AGMO: variants seen among roughly 807,000 people sequenced by gnomAD.
The protein encoded by AGMO is glyceryl-ether monooxygenase.
Under a neutral mutation model 60.2 loss-of-function variants are expected in AGMO, and 75 were observed. The ratio of observed to expected loss-of-function variants is 1.25; its 90% CI spans 1.03 to 1.51. The LOEUF is 1.51. Among genes scored for constraint, AGMO ranks in the 40% most tolerant of loss-of-function variants. The pLI, the probability that AGMO is intolerant of heterozygous loss-of-function variation, is 0.00. For missense variants in AGMO, 763 were observed against 525.5 expected (o/e 1.45, Z -4.42); for synonymous variants, 261 against 177.1 (o/e 1.47, Z -3.76).
the AGMO span, among the ~76,000 whole-genome samples, chr7:15,117,395 G>A: frequency 4.6e-5 from 7 of 151,902 alleles, no homozygotes; most frequent in Non-Finnish European, 8.8e-5. Flanking sequence ...ACTTTTTAGG[G>A]TAATATTCTA....
chr7:15,283,385 A>C (rs1275794591), intron 12 of AGMO, among the ~76,000 whole-genome samples: 1 of 152,094 alleles, frequency 6.6e-6, no homozygotes, highest in Admixed American at 6.5e-5. Flanking sequence ...AAACAGCTGG[A>C]AAAAGATATT....
intron 3 of AGMO, among the ~76,000 whole-genome samples, chr7:15,539,847 G>T (rs1166126616): frequency 1.3e-5 from 2 of 152,004 alleles, no homozygotes; most frequent in Admixed American, 1.3e-4. Context: ...GTGTAAGAAG[G>T]TATCTTACTG....
intron 3 of AGMO, among the ~76,000 whole-genome samples, chr7:15,531,425 ATTC>A (rs1784345509): frequency 1.5e-5 from 1 of 66,352 alleles, no homozygotes; most frequent in African/African-American, 7.6e-5. Flanking sequence ...TTCTATATAT[ATTC>A]TATATATATA....
chr7:15,452,836 C>G (rs1305161496), intron 3 of AGMO, among the ~76,000 whole-genome samples: 1 of 152,042 alleles, frequency 6.6e-6, no homozygotes, highest in African/African-American at 2.4e-5. Context: ...CCCAAATGTC[C>G]ATGATAAATG....
At chr7:15,286,421 T>C (rs1304283653) in intron 12 of AGMO, among the ~76,000 whole-genome samples, 1 of 151,864 alleles carries the variant, frequency 6.6e-6, no homozygotes, top group South Asian at 2.1e-4. Flanking sequence ...ATGACATAAA[T>C]AGACATTTCT....
chr7:15,170,698 T>G, the AGMO span, among the ~76,000 whole-genome samples: 2 of 152,144 alleles, frequency 1.3e-5, no homozygotes, highest in African/African-American at 4.8e-5. Flanking sequence ...TACTGATACA[T>G]TTTTATTAAC....
intron 2 of AGMO, among the ~76,000 whole-genome samples, chr7:15,547,219 G>A (rs1281514896): frequency 6.6e-6 from 1 of 151,326 alleles, no homozygotes; most frequent in Non-Finnish European, 1.5e-5. Flanking sequence ...AATGTCTCCA[G>A]ATACTTCCAA....
intron 12 of AGMO, among the ~76,000 whole-genome samples, chr7:15,320,346 G>A (rs1367510758): frequency 6.6e-6 from 1 of 151,744 alleles, no homozygotes; most frequent in African/African-American, 2.4e-5. Context: ...AATTTTCACA[G>A]TAGCCACAGA....
intron 12 of AGMO, among the ~76,000 whole-genome samples, chr7:15,220,650 A>G (rs1781891800): frequency 6.6e-6 from 1 of 151,892 alleles, no homozygotes. Flanking sequence ...AAATCCAGTA[A>G]TATTTTATTA....
chr7:15,135,304 T>C, the AGMO span, among the ~76,000 whole-genome samples: 1 of 152,052 alleles, frequency 6.6e-6, no homozygotes, highest in Non-Finnish European at 1.5e-5. Context: ...CCCGGGAAGC[T>C]ATCGAAGCTG....
At chr7:15,443,628 T>C (rs1781623543) in intron 3 of AGMO, among the ~76,000 whole-genome samples, 1 of 152,170 alleles carries the variant, frequency 6.6e-6, no homozygotes, top group Non-Finnish European at 1.5e-5. Context: ...ATATGAGCTG[T>C]GCTGTCCATG....
At chr7:15,186,119 C>G in the AGMO span, among the ~76,000 whole-genome samples, 3 of 152,116 alleles carry the variant, frequency 2.0e-5, no homozygotes, top group Non-Finnish European at 4.4e-5. Flanking sequence ...GAGACTCTCC[C>G]CCTTATTGGA....
chr7:15,272,299 T>C (rs1178537487), intron 12 of AGMO, among the ~76,000 whole-genome samples: 1 of 105,796 alleles, frequency 9.5e-6, no homozygotes, highest in African/African-American at 3.7e-5. Flanking sequence ...CCCACGACAG[T>C]CCCAGGTGTG....
At chr7:15,372,390 A>G (rs528445148) in intron 10 of AGMO, among the ~76,000 whole-genome samples, 57 of 152,310 alleles carry the variant, frequency 3.7e-4, no homozygotes, top group African/African-American at 1.3e-3. Context: ...TGGGAAGCAG[A>G]GGTTGCAGTG....
chr7:15,411,281 T>G (rs909226911), intron 5 of AGMO, among the ~76,000 whole-genome samples: 1 of 151,978 alleles, frequency 6.6e-6, no homozygotes, highest in African/African-American at 2.4e-5. Flanking sequence ...AATTACCCAG[T>G]CTGTGGTATT....
chr7:15,303,195 A>T (rs1780501948), intron 12 of AGMO, among the ~76,000 whole-genome samples: 1 of 152,180 alleles, frequency 6.6e-6, no homozygotes, highest in Non-Finnish European at 1.5e-5. Context: ...ATGTATCTTA[A>T]TAGTGACTTT....
chr7:15,394,208 A>G (rs1311332871), intron 5 of AGMO, 29 bp from the exon 6 acceptor site: 2 of 1,451,682 alleles, frequency 1.4e-6, no homozygotes, highest in South Asian at 2.3e-5. Flanking sequence ...ATATTTATAC[A>G]TGTAGTTATC....
At chr7:15,285,747 T>C (rs1022763602) in intron 12 of AGMO, among the ~76,000 whole-genome samples, 6 of 151,844 alleles carry the variant, frequency 4.0e-5, no homozygotes, top group African/African-American at 1.4e-4. Flanking sequence ...ATTACAAAAA[T>C]AACCTTAATA....
intron 3 of AGMO, among the ~76,000 whole-genome samples, chr7:15,459,112 T>G (rs1204987662): frequency 6.6e-6 from 1 of 151,920 alleles, no homozygotes; most frequent in Non-Finnish European, 1.5e-5. Context: ...AAGAAGTGGG[T>G]TTTTTTTCTT....
Sources: gnomAD v4.1 joint callset for allele counts (sites outside exome capture counted in the v4.1 genomes callset) on GRCh38, gnomAD v4.1.1 for gene constraint, MANE v1.5 for transcripts, NCBI Gene and HGNC (gene_info 2026-07-23, HGNC 2026-07-21) for gene names.